The following RANBP2 variants were observed in gnomAD, a reference collection of about 807,000 sequenced individuals.
RANBP2 encodes the protein E3 SUMO-protein ligase RanBP2.
In RANBP2, 57 loss-of-function variants were observed where a neutral mutation model predicts 303.6. The observed-to-expected ratio is 0.19, with a 90% confidence interval of 0.15 to 0.23. The LOEUF is 0.23. Among genes scored for constraint, RANBP2 ranks in the 10% least tolerant of loss-of-function variants. The probability of loss-of-function intolerance (pLI) is 1.00; values close to 1 mark genes in which losing one functional copy is unlikely to be tolerated. For synonymous variants in RANBP2, 1,167 were observed against 1,301.5 expected, an observed-to-expected ratio of 0.90 and a Z score of 2.23; for missense variants, 3,138 against 3,780.8, an observed-to-expected ratio of 0.83 and a Z score of 4.46.
chr2:109,684,935 G>A, the RANBP2 span, among the ~76,000 whole-genome samples: 9 of 151,632 alleles, frequency 5.9e-5, no homozygotes, highest in East Asian at 5.8e-4. Context: ...GTGCAGTGGC[G>A]CAATCTCAGC....
At chr2:108,818,848 G>T in the RANBP2 span, among the ~76,000 whole-genome samples, 6 of 150,886 alleles carry the variant, frequency 4.0e-5, no homozygotes, top group African/African-American at 1.5e-4. Context: ...TTTGATCACA[G>T]TTATAATTTA....
At chr2:109,578,158 C>CA in the RANBP2 span, among the ~76,000 whole-genome samples, 2 of 151,696 alleles carry the variant, frequency 1.3e-5, no homozygotes, top group Non-Finnish European at 2.9e-5. Context: ...ACAGGAAACA[C>CA]AAAAAAGATG....
chr2:109,668,416 T>G, the RANBP2 span, among the ~76,000 whole-genome samples: 1 of 152,238 alleles, frequency 6.6e-6, no homozygotes, highest in Admixed American at 6.5e-5. Context: ...AAAGCATATA[T>G]ACTTGGGAAG....
the RANBP2 span, chr2:108,846,832 C>T: frequency 1.2e-6 from 2 of 1,613,134 alleles, no homozygotes; most frequent in Non-Finnish European, 8.5e-7. Flanking sequence ...CCACAGCATT[C>T]TGTGGAGAAT....
chr2:109,258,368 A>G, the RANBP2 span, among the ~76,000 whole-genome samples: 1 of 152,122 alleles, frequency 6.6e-6, no homozygotes, highest in Non-Finnish European at 1.5e-5. Context: ...GAGGACCACA[A>G]ACCCTAGTGC....
chr2:109,210,032 C>T, the RANBP2 span, among the ~76,000 whole-genome samples: 4 of 152,184 alleles, frequency 2.6e-5, no homozygotes, highest in African/African-American at 7.2e-5. Context: ...AATGACTATT[C>T]TAGGGACCGC....
chr2:109,071,906 G>A, the RANBP2 span, among the ~76,000 whole-genome samples: 17 of 152,172 alleles, frequency 1.1e-4, no homozygotes, highest in African/African-American at 4.1e-4. Context: ...AGATGGCAGA[G>A]ATGTCAATAG....
chr2:109,287,446 C>CT, the RANBP2 span, among the ~76,000 whole-genome samples: 1 of 152,174 alleles, frequency 6.6e-6, no homozygotes, highest in African/African-American at 2.4e-5. Context: ...GCTTAGGTAT[C>CT]TCTAGGCTAC....
chr2:108,990,371 C>T, the RANBP2 span, among the ~76,000 whole-genome samples: 1,318 of 142,128 alleles, frequency 9.3e-3, 22 homozygotes, highest in African/African-American at 0.034. Context: ...GCGGAGCTTG[C>T]AGTGAGCCGA....
chr2:108,855,782 T>C, the RANBP2 span, among the ~76,000 whole-genome samples: 185 of 152,306 alleles, frequency 1.2e-3, 1 homozygote, highest in African/African-American at 4.2e-3. Flanking sequence ...AAATTACTTA[T>C]TATGTAAGCT....
At chr2:108,987,223 C>T in the RANBP2 span, among the ~76,000 whole-genome samples, 2 of 152,238 alleles carry the variant, frequency 1.3e-5, no homozygotes, top group Non-Finnish European at 2.9e-5. Flanking sequence ...TCTTTGGAAA[C>T]CACAAAACGC....
chr2:108,913,584 A>G, the RANBP2 span, among the ~76,000 whole-genome samples: 1 of 151,934 alleles, frequency 6.6e-6, no homozygotes, highest in Non-Finnish European at 1.5e-5. Flanking sequence ...ATTGTTGTTC[A>G]GCATCAGTTT....
At chr2:109,727,615 G>A in the RANBP2 span, among the ~76,000 whole-genome samples, 1 of 152,164 alleles carries the variant, frequency 6.6e-6, no homozygotes, top group African/African-American at 2.4e-5. Flanking sequence ...CTCAGGTCCA[G>A]CGAGTCAGTG....
chr2:108,850,658 C>T, the RANBP2 span, among the ~76,000 whole-genome samples: 3 of 151,914 alleles, frequency 2.0e-5, no homozygotes, highest in Non-Finnish European at 4.4e-5. Flanking sequence ...TCACCATGTT[C>T]GCCAGGCTGG....
At chr2:109,280,727 A>T in the RANBP2 span, among the ~76,000 whole-genome samples, 1 of 152,330 alleles carries the variant, frequency 6.6e-6, no homozygotes, top group East Asian at 1.9e-4. Flanking sequence ...GACGTTGGAA[A>T]TGGGGCTCAC....
chr2:109,248,793 TTCTG>T, the RANBP2 span, among the ~76,000 whole-genome samples: 14 of 151,566 alleles, frequency 9.2e-5, no homozygotes, highest in Admixed American at 2.0e-4. Flanking sequence ...GTCTTTCTCT[TTCTG>T]TCTCTCTTTC....
At chr2:108,958,918 C>A in the RANBP2 span, among the ~76,000 whole-genome samples, 1 of 152,200 alleles carries the variant, frequency 6.6e-6, no homozygotes, top group African/African-American at 2.4e-5. Flanking sequence ...ATGAGAGAAC[C>A]TGGGAGCCAC....
In RANBP2 at chr2:108,751,952, A is replaced by G. The variant is rs1300300340; in HGVS notation, c.1713A>G (p.Gln571=). The G allele has an allele frequency of 3.1e-6, 5 of 1,611,994 alleles. No homozygotes were observed. The highest frequency in any genetic ancestry group is 1.7e-5 in the Admixed American group (1 of 60,018). ...GAGCCCAGGAAAAACATGGCCTTCA[A>G]CCTGCTCTGCTTGTACATTGGGCAG... The part of the protein sequence containing the change: ...TLRAQEKHGL[Q]PALLVHWAEC... The change falls in exon 12 of 29, where the codon CAA becomes CAG. Residue 571 remains glutamine (Q), a synonymous_variant. Coordinates refer to ENST00000283195, the MANE Select transcript of RANBP2 (RefSeq NM_006267.5).
chr2:109,561,839 T>C, the RANBP2 span, among the ~76,000 whole-genome samples: 1 of 152,168 alleles, frequency 6.6e-6, no homozygotes, highest in South Asian at 2.1e-4. Flanking sequence ...GTGGGTCCTA[T>C]GGACTTTAAT....
Sources: gnomAD v4.1 joint callset for allele counts (sites outside exome capture counted in the v4.1 genomes callset) on GRCh38, gnomAD v4.1.1 for gene constraint, MANE v1.5 for transcripts, NCBI Gene and HGNC (gene_info 2026-07-23, HGNC 2026-07-21) for gene names.